Variants in PHKG2 observed in about 807,000 individuals in gnomAD.
PHKG2 encodes phosphorylase kinase catalytic subunit gamma 2, also known as phosphorylase b kinase gamma catalytic chain, liver/testis isoform.
Under a neutral mutation model 44.5 loss-of-function variants are expected in PHKG2, and 28 were observed. The observed-to-expected ratio is 0.63, with a 90% CI of 0.47 to 0.86. The LOEUF is 0.86. Ranked by LOEUF, PHKG2 falls within the 40% of genes least tolerant of loss-of-function variation. The pLI is 0.00. For synonymous variants in PHKG2, 220 were observed against 211.2 expected, an observed-to-expected ratio of 1.04 and a Z score of -0.36; for missense variants, 498 against 547.5, an observed-to-expected ratio of 0.91 and a Z score of 0.90.
At chr16:30,748,529 G>A (rs1439872319) in intron 1 of PHKG2, 39 bp downstream of exon 1, 2 of 479,232 alleles carry the variant, frequency 4.2e-6, no homozygotes, top group Non-Finnish European at 7.5e-6. Flanking sequence ...TCCTGCGCCC[G>A]CCCGAATGCG....
At position 30,760,869 on chromosome 16, in the gene PHKG2, A is replaced by T. The variant is rs2053725253; in HGVS notation, c.*3772A>T. 1.6e-6 allele frequency: 1 copy of T among 625,568 alleles called. No individual in the cohort carries two copies. The highest frequency in any genetic ancestry group is 2.8e-6 in the Non-Finnish European group (1 of 355,874). 38.8% of individuals were successfully genotyped at this position (625,568 alleles called of 1,614,324 possible). A position where few individuals can be genotyped will look rare whatever the true frequency, so the allele number is the denominator to read the frequency against. ...CTCTCCATTTCTAAAGCCTAGGGTT[A>T]GGAATCTTGAATTCTTTTTTCTGCT... On this transcript the variant is annotated 3_prime_UTR_variant, in exon 10 of 10. Coordinates refer to ENST00000563588, the MANE Select transcript of PHKG2 (RefSeq NM_000294.3).
At chr16:30,754,117 G>A (rs962295991) in intron 6 of PHKG2, among the ~76,000 whole-genome samples, 2 of 151,228 alleles carry the variant, frequency 1.3e-5, no homozygotes, top group Non-Finnish European at 2.9e-5. Flanking sequence ...AAAAGCTACC[G>A]TTTACTGGGC....
At position 30,756,992 on chromosome 16, in the gene PHKG2, T is replaced by C; in HGVS notation, c.1116T>C (p.Ala372=). The change falls in exon 10 of 10, where the codon GCT becomes GCC. Residue 372 remains alanine, a synonymous_variant. Coordinates refer to ENST00000563588, the MANE Select transcript of PHKG2 (RefSeq NM_000294.3). ...AAGGGGAGCAGCAGAACCGGGCGGC[T>C]CTCTTTCAGCACCGGCCCCCTGGGC... The part of the protein sequence containing the change: ...VKKGEQQNRA[A]LFQHRPPGPF... The C allele has an allele frequency of 6.2e-7, 1 of 1,612,032 alleles. No individual in the cohort carries two copies. Among genetic ancestry groups the C allele is most frequent in the Non-Finnish European group, 8.5e-7 (1 of 1,179,970 alleles).
chr16:30,751,436 T>G, intron 3 of PHKG2, 113 bp from the exon 4 acceptor site: 1 of 1,269,832 alleles, frequency 7.9e-7, no homozygotes, highest in Non-Finnish European at 1.2e-6. Context: ...CCTCCTCTGG[T>G]TCTCCTTTCT....
At chr16:30,751,466 C>A in intron 3 of PHKG2, 83 bp from the exon 4 acceptor site, 1 of 1,363,264 alleles carries the variant, frequency 7.3e-7, no homozygotes, top group Non-Finnish European at 1.1e-6. Context: ...CAGCCCGCTG[C>A]TGTCCCAGGG....
chr16:30,753,111 G>A, intron 4 of PHKG2, 121 bp from the exon 5 acceptor site: 1 of 816,194 alleles, frequency 1.2e-6, no homozygotes, highest in Non-Finnish European at 2.1e-6. Context: ...TAGACCCTTT[G>A]GTTTGTCTGC....
chr16:30,755,640 T>C (rs1001044332), intron 6 of PHKG2, among the ~76,000 whole-genome samples: 3 of 151,918 alleles, frequency 2.0e-5, no homozygotes, highest in African/African-American at 7.3e-5. Context: ...CATGCCATTG[T>C]ACACCAGACT....
Position 30,755,519 on chromosome 16 carries a change from T to G in PHKG2, c.557-663T>G, listed in dbSNP as rs534397396. Among the ~76,000 whole-genome samples, 5 of 151,752 alleles carry G rather than the reference T, an allele frequency of 3.3e-5. No individual in the cohort carries two copies. The South Asian group carries it at 6.3e-4, about 19-fold the overall frequency. ...GTGAAAGCCTGTCTCTACTAAAGAT[T>G]CAAAAAATTAGCCAGGCGTGGTGGC... On this transcript the variant is annotated intron_variant, in intron 6 of 9. Coordinates refer to ENST00000563588, the MANE Select transcript of PHKG2 (RefSeq NM_000294.3).
Position 30,761,009 on chromosome 16 carries a change from T to C in PHKG2, c.*3912T>C, listed in dbSNP as rs1315914904. On this transcript the variant is annotated 3_prime_UTR_variant, in exon 10 of 10. Transcript: ENST00000563588. ...CCATTTACATTCTGTCTTTGGCTCT[T>C]TTTTTCTCACACTGCCTCCTCTTTG... 16 of 660,298 alleles carry C rather than the reference T, an allele frequency of 2.4e-5. No homozygotes were observed. Among genetic ancestry groups the C allele is most frequent in the Non-Finnish European group, 3.9e-5 (15 of 389,586 alleles). 40.9% of individuals were successfully genotyped at this position (660,298 alleles called of 1,614,324 possible). A position where few individuals can be genotyped will look rare whatever the true frequency, so the allele number is the denominator to read the frequency against.
intron 2 of PHKG2, among the ~76,000 whole-genome samples, chr16:30,749,633 C>CA (rs2053319034): frequency 6.6e-6 from 1 of 152,202 alleles, no homozygotes; most frequent in Non-Finnish European, 1.5e-5. Flanking sequence ...CGTGAGCCAC[C>CA]GCGCCTGGTT....
Position 30,756,673 on chromosome 16 carries a change from A to G in PHKG2, c.885A>G (p.Glu295=), listed in dbSNP as rs2053432522. The G allele has an allele frequency of 6.2e-7, 1 of 1,614,038 alleles. No individual in the cohort carries two copies. The highest frequency in any genetic ancestry group is 8.5e-7 in the Non-Finnish European group (1 of 1,180,002). ...AGCACCCCTTCTTTGAGCGTTGTGA[A>G]GGCAGCCAACCCTGGAACCTCACCC... ...ALQHPFFERC[E]GSQPWNLTPR... The change falls in exon 9 of 10, where the codon GAA becomes GAG. Residue 295 remains glutamate, a synonymous_variant. Coordinates refer to ENST00000563588, the MANE Select transcript of PHKG2 (RefSeq NM_000294.3).
At chr16:30,751,687 C>A in intron 4 of PHKG2, 84 bp downstream of exon 4, 1 of 1,119,382 alleles carries the variant, frequency 8.9e-7, no homozygotes, top group Non-Finnish European at 1.4e-6. Flanking sequence ...TGGGCTGGAC[C>A]CATCCTGCTC....
At position 30,756,163 on chromosome 16, in the gene PHKG2, C is replaced by A. The variant is rs2053422858; in HGVS notation, c.557-19C>A. The A allele has an allele frequency of 2.5e-6, 4 of 1,599,388 alleles. No homozygotes were observed. Among genetic ancestry groups the A allele is most frequent in the Non-Finnish European group, 3.4e-6 (4 of 1,166,616 alleles). On this transcript the variant is annotated intron_variant, in intron 6 of 9. Transcript: ENST00000563588. The stretch of plus-strand genomic sequence containing the variant: ...GAGGGGCTGGTGGCATCCCCTCAAT[C>A]TTGGTCCTCTCTCCCCAGAGTTGTG...
rs745609608 is a variant in PHKG2, at chr16:30,756,855, C to T, written c.979C>T (p.Arg327Cys). ...AAGRVALSTH[R>C]VRPLTKNALL... ...TGGACGAGTGGCCCTAAGCACCCAT[C>T]GTGTACGGCCACTGACCAAGAATGC... Residue 327 changes from arginine (R) to cysteine (C), a missense_variant, in exon 10 of 10, where the codon CGT (arginine) becomes TGT (cysteine). Coordinates refer to ENST00000563588, the MANE Select transcript of PHKG2 (RefSeq NM_000294.3). 29 of 1,614,024 alleles carry T rather than the reference C, an allele frequency of 1.8e-5. No individual in the cohort carries two copies. The highest frequency in any genetic ancestry group is 5.5e-5 in the South Asian group (5 of 91,092).
At chr16:30,751,032 G>GC (rs2053336456) in intron 2 of PHKG2, 74 bp from the exon 3 acceptor site, 1 of 1,482,820 alleles carries the variant, frequency 6.7e-7, no homozygotes, top group African/African-American at 1.4e-5. Context: ...CGGGCATGAG[G>GC]ATGCTGAGGC....
At chr16:30,750,838 G>T (rs2053334449) in intron 2 of PHKG2, among the ~76,000 whole-genome samples, 1 of 152,196 alleles carries the variant, frequency 6.6e-6, no homozygotes, top group Non-Finnish European at 1.5e-5. Context: ...GGAAGGACTT[G>T]CCTAGGCTTT....
chr16:30,753,214 T>C lies in PHKG2; in HGVS notation c.327-18T>C, dbSNP rs2053374584. 6.2e-7 allele frequency: 1 copy of C among 1,608,314 alleles called. No homozygotes were observed. The highest frequency in any genetic ancestry group is 8.5e-7 in the Non-Finnish European group (1 of 1,174,796). On this transcript the variant is annotated intron_variant, in intron 4 of 9. Coordinates refer to ENST00000563588, the MANE Select transcript of PHKG2 (RefSeq NM_000294.3). ...CACTGTGGGATGCAGCTGCCTCCTATGCCCCTCCTTCCCTTAGGATGCGGA... is the reference window on the plus strand; with the variant it reads ...CACTGTGGGATGCAGCTGCCTCCTACGCCCCTCCTTCCCTTAGGATGCGGA...
Position 30,757,052 on chromosome 16 carries a change from C to G in PHKG2, c.1176C>G (p.Asp392Glu). ...FPIMGPEEEG[D>E]SAAITEDEAV... ...TCATGGGCCCTGAAGAGGAGGGAGACTCTGCTGCTATAACTGAGGATGAGG... is the reference window on the plus strand; with the variant it reads ...TCATGGGCCCTGAAGAGGAGGGAGAGTCTGCTGCTATAACTGAGGATGAGG... Residue 392 changes from aspartate to glutamate, a missense_variant, in exon 10 of 10, where the codon GAC becomes GAG. Coordinates refer to ENST00000563588, the MANE Select transcript of PHKG2 (RefSeq NM_000294.3). 1 of 1,613,128 alleles carries G rather than the reference C, an allele frequency of 6.2e-7. No individual in the cohort carries two copies. Among genetic ancestry groups the G allele is most frequent in the Non-Finnish European group, 8.5e-7 (1 of 1,180,030 alleles).
Position 30,751,277 on chromosome 16 carries a change from C to T in PHKG2, c.267C>T (p.His89=), listed in dbSNP as rs759795602. The change falls in exon 3 of 10, where the codon CAC becomes CAT. Residue 89 remains histidine, a synonymous_variant. Coordinates refer to ENST00000563588, the MANE Select transcript of PHKG2 (RefSeq NM_000294.3). ...HILRQVAGHP[H]IITLIDSYES... ...TTCGCCAGGTCGCCGGCCACCCCCA[C>T]ATCAGTGAGGCTGTCTTCCTTGCTC... 2 of 1,609,294 alleles carry T rather than the reference C, an allele frequency of 1.2e-6. No homozygotes were observed. The highest frequency in any genetic ancestry group is 8.5e-7 in the Non-Finnish European group (1 of 1,180,002).
Sources: gnomAD v4.1 joint callset for allele counts (sites outside exome capture counted in the v4.1 genomes callset) on GRCh38, gnomAD v4.1.1 for gene constraint, MANE v1.5 for transcripts, NCBI Gene and HGNC (gene_info 2026-07-23, HGNC 2026-07-21) for gene names.